OR51B5: variants seen among roughly 807,000 people sequenced by gnomAD.
The protein encoded by OR51B5 is olfactory receptor family 51 subfamily B member 5, also known as olfactory receptor 51B5.
For missense variants in OR51B5, 456 were observed against 374.6 expected (o/e 1.22, Z -1.79); for synonymous variants, 186 against 144.8 (o/e 1.28, Z -2.04).
chr11:5,387,980 G>A (rs1273070273), intron 1 of OR51B5, among the ~76,000 whole-genome samples: 2 of 152,050 alleles, frequency 1.3e-5, no homozygotes, highest in African/African-American at 4.8e-5. Flanking sequence ...AGTAATTGCA[G>A]TTCTTGCCAT....
intron 1 of OR51B5, among the ~76,000 whole-genome samples, chr11:5,407,727 C>T (rs910851295): frequency 2.0e-5 from 3 of 147,918 alleles, no homozygotes; most frequent in Non-Finnish European, 3.0e-5. Flanking sequence ...ATAAACTGTA[C>T]TTCTATTCTC....
chr11:5,340,692 G>A (rs1564910745), downstream of OR51B5: 1 of 152,184 alleles, frequency 6.6e-6, no homozygotes, highest in Non-Finnish European at 1.5e-5. Context: ...GTCTACTGTA[G>A]TGGAGTACCA....
At chr11:5,453,684 T>C (rs200708823) in intron 1 of OR51B5, 2 of 1,613,600 alleles carry the variant, frequency 1.2e-6, no homozygotes, top group Non-Finnish European at 1.7e-6. Context: ...CCTGTCCATG[T>C]TGTCCTTCAG....
At chr11:5,348,421 G>A (rs774781805), upstream of OR51B5, among the ~76,000 whole-genome samples, 2 of 151,880 alleles carry the variant, frequency 1.3e-5, no homozygotes, top group Non-Finnish European at 1.5e-5. Flanking sequence ...GCCAAATATA[G>A]AATCAACTCT....
intron 1 of OR51B5, among the ~76,000 whole-genome samples, chr11:5,481,443 T>G (rs1851418287): frequency 8.9e-6 from 1 of 112,052 alleles, no homozygotes; most frequent in Admixed American, 9.9e-5. Flanking sequence ...CTTTGAAAAC[T>G]GGCACAAGAC....
intron 1 of OR51B5, among the ~76,000 whole-genome samples, chr11:5,432,233 AC>A (rs1218550629): frequency 1.3e-5 from 2 of 152,166 alleles, no homozygotes; most frequent in East Asian, 3.9e-4. Flanking sequence ...CATGATATCA[AC>A]TTTTTTAGCT....
intron 1 of OR51B5, chr11:5,430,520 T>C (rs377533791): frequency 5.5e-6 from 2 of 360,478 alleles, no homozygotes; most frequent in East Asian, 7.3e-5. Flanking sequence ...CATTTCAGAT[T>C]CAAGCCTGTT....
chr11:5,485,863 C>T (rs1260859271), intron 1 of OR51B5, among the ~76,000 whole-genome samples: 2 of 152,128 alleles, frequency 1.3e-5, no homozygotes, highest in Non-Finnish European at 2.9e-5. Context: ...TCTTAATTAA[C>T]CCTCAGCATC....
chr11:5,420,454 T>C (rs1255815706), intron 1 of OR51B5, among the ~76,000 whole-genome samples: 1 of 152,088 alleles, frequency 6.6e-6, no homozygotes, highest in Non-Finnish European at 1.5e-5. Context: ...CATATAGTTT[T>C]TCTTAATCTA....
intron 1 of OR51B5, among the ~76,000 whole-genome samples, chr11:5,382,995 G>A (rs1413300223): frequency 2.0e-5 from 3 of 152,090 alleles, no homozygotes; most frequent in East Asian, 1.9e-4. Flanking sequence ...TGGTGGAGAG[G>A]TTGTGTGTGA....
At chr11:5,363,067 T>G (rs1849309542) in intron 1 of OR51B5, among the ~76,000 whole-genome samples, 1 of 151,296 alleles carries the variant, frequency 6.6e-6, no homozygotes, top group African/African-American at 2.4e-5. Context: ...TTGTAAAATG[T>G]GCTAAGTAGA....
intron 1 of OR51B5, among the ~76,000 whole-genome samples, chr11:5,379,300 G>A (rs1218079252): frequency 1.3e-5 from 2 of 151,966 alleles, no homozygotes; most frequent in Non-Finnish European, 2.9e-5. Context: ...ATCACACTCT[G>A]GGGACTGTTG....
chr11:5,478,625 A>T (rs1363989550), intron 1 of OR51B5, among the ~76,000 whole-genome samples: 1 of 150,234 alleles, frequency 6.7e-6, no homozygotes, highest in Non-Finnish European at 1.5e-5. Context: ...AAAATTTAGA[A>T]GAATGTATAA....
rs1434967167 is a variant in OR51B5 at position 5,413,951 on chromosome 11, C to T, written n.85-67041G>A. Among the ~76,000 whole-genome samples, 17 of 146,464 alleles carry T rather than the reference C, an allele frequency of 1.2e-4. 1 individual carries two copies. The highest frequency in any genetic ancestry group is 1.7e-4 in the Non-Finnish European group (11 of 66,288). ...CAGAGAACGCCACAAAGATACTCCTCGAGAAGAGCAACTCCAAGACACACA... is the reference window on the plus strand; with the variant it reads ...CAGAGAACGCCACAAAGATACTCCTTGAGAAGAGCAACTCCAAGACACACA... On this transcript the variant is annotated intron_variant and non_coding_transcript_variant, in intron 1 of 4. Coordinates refer to the OR51B5 transcript ENST00000415970.
chr11:5,487,776 G>A, intron 1 of OR51B5, among the ~76,000 whole-genome samples: 1 of 152,144 alleles, frequency 6.6e-6, no homozygotes, highest in Non-Finnish European at 1.5e-5. Context: ...AGCCATTATA[G>A]TGGTGGATTG....
At chr11:5,360,393 C>T (rs1735409928) in intron 1 of OR51B5, among the ~76,000 whole-genome samples, 1 of 151,814 alleles carries the variant, frequency 6.6e-6, no homozygotes, top group African/African-American at 2.4e-5. Context: ...TGAAAAAATG[C>T]TCATCATCAC....
chr11:5,425,884 T>C (rs1373219551), intron 1 of OR51B5, among the ~76,000 whole-genome samples: 1 of 152,168 alleles, frequency 6.6e-6, no homozygotes, highest in Non-Finnish European at 1.5e-5. Flanking sequence ...AAGGGACAAA[T>C]TTTCAACCAA....
At chr11:5,496,474 T>C (rs1851651627) in intron 1 of OR51B5, among the ~76,000 whole-genome samples, 2 of 152,170 alleles carry the variant, frequency 1.3e-5, no homozygotes. Context: ...GAGGCCTTTC[T>C]ACTCCGATGA....
chr11:5,488,830 C>T (rs1413820228), intron 1 of OR51B5: 2 of 1,613,922 alleles, frequency 1.2e-6, no homozygotes, highest in Non-Finnish European at 1.7e-6. Flanking sequence ...TCTTGTAGCA[C>T]TGGTTGGAAA....
Sources: allele counts gnomAD v4.1 joint callset (sites outside exome capture counted in the v4.1 genomes callset), GRCh38; gene constraint gnomAD v4.1.1; transcripts MANE v1.5; gene names NCBI Gene and HGNC (gene_info 2026-07-23, HGNC 2026-07-21).